KCTD21: variants seen among roughly 807,000 people sequenced by gnomAD.
KCTD21 encodes the protein BTB/POZ domain-containing protein KCTD21.
Under a neutral mutation model 13.2 loss-of-function variants are expected in KCTD21, and 9 were observed. The ratio of observed to expected loss-of-function variants is 0.68; its 90% confidence interval spans 0.41 to 1.19. KCTD21 has a LOEUF of 1.19. Among genes scored for constraint, KCTD21 ranks in the 50% most tolerant of loss-of-function variants. KCTD21 has a pLI of 0.01. For synonymous variants in KCTD21, 142 were observed against 137.4 expected (o/e 1.03, Z -0.23); for missense variants, 303 against 336.5 (o/e 0.90, Z 0.78).
Position 78,173,798 on chromosome 11 carries a change from T to A in KCTD21, c.757A>T (p.Ile253Phe). The A allele has an allele frequency of 6.2e-7, 1 of 1,613,958 alleles. No individual in the cohort carries two copies. Among genetic ancestry groups the A allele is most frequent in the Non-Finnish European group, 8.5e-7 (1 of 1,179,864 alleles). Residue 253 changes from isoleucine to phenylalanine, a missense_variant, in exon 2 of 2, where the codon ATT becomes TTT. Ile to Phe is a conservative substitution (Grantham distance 21). Transcript: ENST00000340067. ...TACCTGTACCGTATTAATCGAATAA[T>A]CTTATTGTTCATAAAATCCAGAGCA... Reference protein sequence around the residue: ...PHALDFMNNKIIRLIRYR With the variant: ...PHALDFMNNKFIRLIRYR
Position 78,188,585 on chromosome 11 carries a change from C to A in KCTD21, c.-42G>T. On this transcript the variant is annotated 5_prime_UTR_variant, in exon 1 of 2. Coordinates refer to ENST00000340067, the MANE Select transcript of KCTD21 (RefSeq NM_001029859.3). ...GTGCCGCACCCACCTCCTGCCCTCG[C>A]TCTGCAGCCTCTCCCTCCGCGAGCG... The A allele has an allele frequency of 1.0e-6, 1 of 985,598 alleles. No individual in the cohort carries two copies. The highest frequency in any genetic ancestry group is 1.2e-6 in the Non-Finnish European group (1 of 830,102). 61.1% of individuals were successfully genotyped at this position (985,598 alleles called of 1,614,324 possible). A position where few individuals can be genotyped will look rare whatever the true frequency, so the allele number is the denominator to read the frequency against.
At chr11:78,181,137 T>C (rs924736333) in intron 1 of KCTD21, among the ~76,000 whole-genome samples, 1 of 152,200 alleles carries the variant, frequency 6.6e-6, no homozygotes, top group African/African-American at 2.4e-5. Context: ...TAATACAGCA[T>C]ACAATTATCA....
In KCTD21 at chr11:78,172,635, A is replaced by G. The variant is rs1862309426; in HGVS notation, c.*1137T>C. On this transcript the variant is annotated 3_prime_UTR_variant, in exon 2 of 2. Transcript: ENST00000340067. ...TTTCAGAAAAATGTCTGGTCTCTCAAGGTGACTATTTTGAAAGCAAAGATA... is the reference window on the plus strand; with the variant it reads ...TTTCAGAAAAATGTCTGGTCTCTCAGGGTGACTATTTTGAAAGCAAAGATA... 6.6e-6 allele frequency: 1 copy of G among 152,214 alleles called. No individual in the cohort carries two copies. 9.4% of individuals were successfully genotyped at this position (152,214 alleles called of 1,614,324 possible). A position where few individuals can be genotyped will look rare whatever the true frequency, so the allele number is the denominator to read the frequency against.
chr11:78,188,423 C>T (rs930592633), intron 1 of KCTD21, 150 bp downstream of exon 1: 10 of 985,612 alleles, frequency 1.0e-5, no homozygotes, highest in African/African-American at 8.7e-5. Flanking sequence ...CGCCCCCTCC[C>T]CCGCACCACA....
chr11:78,185,077 TCTTG>T (rs1051349075), intron 1 of KCTD21, among the ~76,000 whole-genome samples: 3 of 152,196 alleles, frequency 2.0e-5, no homozygotes, highest in African/African-American at 7.2e-5. Flanking sequence ...AATACTGACT[TCTTG>T]CTTATTACAT....
At chr11:78,178,350 G>C (rs1232941455) in intron 1 of KCTD21, among the ~76,000 whole-genome samples, 1 of 151,990 alleles carries the variant, frequency 6.6e-6, no homozygotes, top group African/African-American at 2.4e-5. Context: ...GGATGGTCTC[G>C]ATCTCTTGAC....
chr11:78,184,322 A>T (rs1054729209), intron 1 of KCTD21, among the ~76,000 whole-genome samples: 7 of 152,016 alleles, frequency 4.6e-5, no homozygotes, highest in African/African-American at 1.7e-4. Flanking sequence ...AAATAGGTGG[A>T]GAAGCTCTAT....
intron 1 of KCTD21, among the ~76,000 whole-genome samples, chr11:78,185,097 G>A (rs1252067682): frequency 6.6e-6 from 1 of 152,126 alleles, no homozygotes; most frequent in African/African-American, 2.4e-5. Context: ...TACATATAAT[G>A]TATTATGGCT....
At position 78,173,739 on chromosome 11, in the gene KCTD21, G is replaced by A. The variant is rs867538587; in HGVS notation, c.*33C>T. The A allele has an allele frequency of 1.3e-6, 2 of 1,567,740 alleles. No individual in the cohort carries two copies. Among genetic ancestry groups the A allele is most frequent in the Non-Finnish European group, 1.7e-6 (2 of 1,151,908 alleles). Reference sequence around the variant, plus strand: ...AGACCTGGCTGACATGAGCTTCCTGGGACTCCCCATCTCCAGTGTTGTTGG... The same window carrying A: ...AGACCTGGCTGACATGAGCTTCCTGAGACTCCCCATCTCCAGTGTTGTTGG... On this transcript the variant is annotated 3_prime_UTR_variant, in exon 2 of 2. Transcript: ENST00000340067.
intron 1 of KCTD21, among the ~76,000 whole-genome samples, chr11:78,181,702 T>G (rs1297356384): frequency 1.3e-5 from 2 of 152,018 alleles, no homozygotes; most frequent in East Asian, 3.9e-4. Flanking sequence ...TCCCAGTACT[T>G]TGAGAGGCCG....
chr11:78,174,452 C>A lies in KCTD21; in HGVS notation c.103G>T (p.Gly35Trp). The change falls in exon 2 of 2, where the codon GGG becomes TGG. Residue 35 changes from glycine to tryptophan, a missense_variant. Transcript: ENST00000340067. ...CTGTCCCTCTTGGTGGGCATCTTCC[C>A]GCTGAACATGGCGCCTAGCATGGAG... is the stretch of plus-strand genomic sequence containing the variant. ...PDSMLGAMFS[G>W]KMPTKRDSQG... 6.2e-7 allele frequency: 1 copy of A among 1,614,074 alleles called. No individual in the cohort carries two copies. Among genetic ancestry groups the A allele is most frequent in the Non-Finnish European group, 8.5e-7 (1 of 1,180,016 alleles).
Position 78,172,467 on chromosome 11 carries a change from TGGTGGGGAA to T in KCTD21, c.*1296_*1304del, listed in dbSNP as rs1489610231. 1.3e-5 allele frequency: 2 copies of T among 151,990 alleles called. No individual in the cohort carries two copies. The highest frequency in any genetic ancestry group is 2.9e-5 in the Non-Finnish European group (2 of 68,014). 9.4% of individuals were successfully genotyped at this position (151,990 alleles called of 1,614,324 possible). On this transcript the variant is annotated 3_prime_UTR_variant, in exon 2 of 2. Coordinates refer to ENST00000340067, the MANE Select transcript of KCTD21 (RefSeq NM_001029859.3). ...GTCGAAAGGTATATGGAGCCACAGA[TGGTGGGGAA>T]GGTGGGTGAAGTGGGGGTCACAAAC...
intron 1 of KCTD21, chr11:78,187,490 G>A (rs1452887363): frequency 3.0e-6 from 3 of 985,252 alleles, no homozygotes; most frequent in Admixed American, 6.2e-5. Flanking sequence ...GGCACGGCAA[G>A]GTATTCTTTC....
chr11:78,182,673 A>C (rs1484267703), intron 1 of KCTD21, among the ~76,000 whole-genome samples: 2 of 152,196 alleles, frequency 1.3e-5, no homozygotes, highest in African/African-American at 4.8e-5. Context: ...AAAGAGCGTG[A>C]ATCCCTTGCC....
chr11:78,187,028 A>G (rs1192113296), intron 1 of KCTD21: 1 of 985,310 alleles, frequency 1.0e-6, no homozygotes, highest in Non-Finnish European at 1.2e-6. Flanking sequence ...TGCTCTGTTC[A>G]ATTTTCAATC....
At chr11:78,179,752 T>A (rs1199547954) in intron 1 of KCTD21, among the ~76,000 whole-genome samples, 1 of 152,156 alleles carries the variant, frequency 6.6e-6, no homozygotes, top group Non-Finnish European at 1.5e-5. Context: ...ACACCTGCCC[T>A]GCCTTTGCTG....
At chr11:78,185,096 T>C (rs1862730822) in intron 1 of KCTD21, among the ~76,000 whole-genome samples, 1 of 152,202 alleles carries the variant, frequency 6.6e-6, no homozygotes, top group South Asian at 2.1e-4. Context: ...TTACATATAA[T>C]GTATTATGGC....
At chr11:78,185,531 A>G (rs1862740570) in intron 1 of KCTD21, among the ~76,000 whole-genome samples, 1 of 152,136 alleles carries the variant, frequency 6.6e-6, no homozygotes, top group East Asian at 1.9e-4. Flanking sequence ...TGGAGGAGTT[A>G]GAATCTAAGC....
At chr11:78,179,312 A>G (rs640537) in intron 1 of KCTD21, among the ~76,000 whole-genome samples, 24,006 of 151,234 alleles carry the variant, frequency 0.16, 2,028 homozygotes, top group African/African-American at 0.2. Context: ...GGGGATTACC[A>G]CGTCTGCCCC....
Sources: gnomAD v4.1 joint callset for allele counts (sites outside exome capture counted in the v4.1 genomes callset) on GRCh38, gnomAD v4.1.1 for gene constraint, MANE v1.5 for transcripts, NCBI Gene and HGNC (gene_info 2026-07-23, HGNC 2026-07-21) for gene names.